The following NAGPA variants were observed in gnomAD, a reference collection of about 807,000 sequenced individuals.
The protein encoded by NAGPA is alpha-N-acetylglucosaminyl phosphodiesterase.
NAGPA carries 56 observed loss-of-function variants against 48.5 expected under a neutral mutation model. The observed-to-expected ratio is 1.15, with a 90% CI of 0.93 to 1.44. NAGPA has a LOEUF of 1.44. Ranked by LOEUF, NAGPA falls within the 40% of genes most tolerant of loss-of-function variation. NAGPA has a pLI of 0.00. For synonymous variants in NAGPA, 399 were observed against 315.5 expected (o/e 1.26, Z -2.81); for missense variants, 888 against 735.0 (o/e 1.21, Z -2.41).
Position 5,029,091 on chromosome 16 carries a change from A to G in NAGPA, c.792-83T>C. On this transcript the variant is annotated intron_variant, in intron 4 of 9. Transcript: ENST00000312251. ...TCCTTTTCCTTCCACAGTGCAGAGC[A>G]TCACGCCCACAGTGCAGGCACATTT... 8.8e-6 allele frequency: 14 copies of G among 1,596,096 alleles called. No individual in the cohort carries two copies. In the South Asian group the frequency reaches 1.4e-4, roughly 16 times the overall value.
In NAGPA at chr16:5,033,597, G is replaced by C. The variant is rs755122540; in HGVS notation, c.218C>G (p.Ala73Gly). 2 of 1,489,892 alleles carry C rather than the reference G, an allele frequency of 1.3e-6. No individual in the cohort carries two copies. Among genetic ancestry groups the C allele is most frequent in the East Asian group, 5.0e-5 (2 of 39,632 alleles). 92.3% of individuals were successfully genotyped at this position (1,489,892 alleles called of 1,614,324 possible). ...SWPPPPATPG[A>G]GGLAVRTFVS... ...GAAGGTGCGCACGGCCAGACCGCCG[G>C]CGCCGGGAGTCGCGGGAGGCGGAGG... Residue 73 changes from alanine (A) to glycine (G), a missense_variant, in exon 2 of 10, where the codon GCC (alanine) becomes GGC (glycine). Transcript: ENST00000312251. The surrounding 1 kb of genome is among the most constrained non-coding windows in gnomAD (Gnocchi z 4.2).
In NAGPA at chr16:5,025,568, A is replaced by G. The variant is rs759084951; in HGVS notation, c.1458T>C (p.Tyr486=). Residue 486 remains tyrosine (Y), a synonymous_variant, in exon 10 of 10, where the codon TAT becomes TAC. Coordinates refer to ENST00000312251, the MANE Select transcript of NAGPA (RefSeq NM_016256.4). ...TCATCTCCTGCAGCGGGTGGTATGC[A>G]TAGTCCCCATGCAGGCGCCGGTTCC... is the stretch of plus-strand genomic sequence containing the variant. ...AERNRRLHGD[Y]AYHPLQEMNG... is the part of the protein sequence containing the mutation. The G allele has an allele frequency of 1.9e-6, 3 of 1,613,768 alleles. No individual in the cohort carries two copies. Among genetic ancestry groups the G allele is most frequent in the Admixed American group, 1.7e-5 (1 of 60,034 alleles).
At chr16:5,026,499 A>G (rs1048545808) in intron 9 of NAGPA, among the ~76,000 whole-genome samples, 3 of 151,946 alleles carry the variant, frequency 2.0e-5, no homozygotes, top group African/African-American at 7.2e-5. Flanking sequence ...GCACCACTGC[A>G]CTCCAGCCTA....
chr16:5,033,548 C>T lies in NAGPA; in HGVS notation c.267G>A (p.Ala89=), dbSNP rs529083571. Residue 89 remains alanine (A), a synonymous_variant, in exon 2 of 10, where the codon GCG becomes GCA. Transcript: ENST00000312251. This position sits in a 1 kb window ranked among gnomAD's most constrained non-coding sequence, Gnocchi z 4.2. The part of the protein sequence containing the change: ...RTFVSHFRDR[A]VAGHLTRAVE... ...CGGCCCGCGTCAGGTGGCCGGCCAC[C>T]GCGCGGTCCCTGAAGTGCGACACGA... 1.0e-5 allele frequency: 15 copies of T among 1,505,522 alleles called. No individual in the cohort carries two copies. The East Asian group carries it at 3.6e-4, about 37-fold the overall frequency. 93.3% of individuals were successfully genotyped at this position (1,505,522 alleles called of 1,614,324 possible). A position where few individuals can be genotyped will look rare whatever the true frequency, so the allele number is the denominator to read the frequency against.
chr16:5,033,255 G>C lies in NAGPA; in HGVS notation c.542+18C>G, dbSNP rs1257342354. ...AGGCCCTCTGCCCTCGACAGCACGG[G>C]GCTCCCTGCCTCCTCACCCGGTGAC... is the stretch of plus-strand genomic sequence containing the variant. On this transcript the variant is annotated intron_variant, in intron 2 of 9. Coordinates refer to ENST00000312251, the MANE Select transcript of NAGPA (RefSeq NM_016256.4). This position sits in a 1 kb window ranked among gnomAD's most constrained non-coding sequence, Gnocchi z 4.2. The C allele has an allele frequency of 6.3e-7, 1 of 1,579,244 alleles. No individual in the cohort carries two copies. The highest frequency in any genetic ancestry group is 1.3e-5 in the African/African-American group (1 of 74,238).
Position 5,033,857 on chromosome 16 carries a change from A to G in NAGPA, c.58T>C (p.Trp20Arg), listed in dbSNP as rs1270701466. 1.7e-5 allele frequency: 26 copies of G among 1,549,496 alleles called. No homozygotes were observed. The highest frequency in any genetic ancestry group is 2.7e-5 in the African/African-American group (2 of 73,016). Residue 20 changes from tryptophan (W) to arginine (R), a missense_variant, in exon 1 of 10, where the codon TGG (tryptophan) becomes CGG (arginine). Coordinates refer to ENST00000312251, the MANE Select transcript of NAGPA (RefSeq NM_016256.4). This position sits in a 1 kb window ranked among gnomAD's most constrained non-coding sequence, Gnocchi z 4.2. ...GAGTCGAGGCCGCCGGACGCTTCCC[A>G]GAGGAAGCCGAATAGTGCAAGCCGG... Reference protein sequence around the residue: ...LLRLALFGFLWEASGGLDSGA... With the variant: ...LLRLALFGFLREASGGLDSGA...
chr16:5,028,745 G>T (rs1436151318), intron 5 of NAGPA, 135 bp downstream of exon 5: 11 of 1,395,402 alleles, frequency 7.9e-6, no homozygotes, highest in Non-Finnish European at 1.1e-5. Flanking sequence ...CATCCTGGGG[G>T]AGGGACTGCA....
In NAGPA at chr16:5,029,041, C is replaced by T. The variant is rs1287513939; in HGVS notation, c.792-33G>A. 9.9e-6 allele frequency: 16 copies of T among 1,609,468 alleles called. No individual in the cohort carries two copies. The Admixed American group carries it at 1.0e-4, about 10-fold the overall frequency. On this transcript the variant is annotated intron_variant, in intron 4 of 9. Transcript: ENST00000312251. ...ACAAAGCGGCGCTGCTCAGGCTCAG[C>T]GCCCACCATCATTTCTCATTTAACT...
chr16:5,028,969 C>A lies in NAGPA; in HGVS notation c.831G>T (p.Gln277His). Residue 277 changes from glutamine (Q) to histidine (H), a missense_variant, in exon 5 of 10, where the codon CAG becomes CAT. Physicochemically the swap from Gln to His is conservative, Grantham distance 24. Transcript: ENST00000312251. ...CCAGGTTGATGGCGTTGACCACGTC[C>A]TGTTTCAGCAGGAACTCCGCCATTT... is the stretch of plus-strand genomic sequence containing the variant. ...LWEMAEFLLK[Q>H]DVVNAINLDG... The A allele has an allele frequency of 1.9e-6, 3 of 1,613,962 alleles. No homozygotes were observed. The highest frequency in any genetic ancestry group is 2.5e-6 in the Non-Finnish European group (3 of 1,180,046).
At chr16:5,028,636 C>A (rs1397235034) in intron 5 of NAGPA, 2 of 613,346 alleles carry the variant, frequency 3.3e-6, no homozygotes, top group African/African-American at 3.7e-5. Flanking sequence ...CCACCCCCAC[C>A]CAGCTACCAC....
intron 7 of NAGPA, 86 bp downstream of exon 7, chr16:5,027,760 A>G: frequency 1.3e-6 from 2 of 1,527,814 alleles, no homozygotes; most frequent in Non-Finnish European, 1.8e-6. Context: ...CCCAGACCAG[A>G]AGGTGGAGAC....
chr16:5,030,805 G>T (rs951458913), intron 3 of NAGPA, among the ~76,000 whole-genome samples: 16 of 152,134 alleles, frequency 1.1e-4, no homozygotes, highest in African/African-American at 3.9e-4. Flanking sequence ...CTCAGCTCCT[G>T]GGTGTCCCCT....
At chr16:5,031,389 T>G (rs962526744) in intron 3 of NAGPA, 10 of 342,096 alleles carry the variant, frequency 2.9e-5, no homozygotes, top group Non-Finnish European at 4.6e-5. Flanking sequence ...GGTCTGAGGG[T>G]GTGGGGCTTT....
intron 4 of NAGPA, 136 bp from the exon 5 acceptor site, chr16:5,029,144 C>G (rs1309418879): frequency 7.0e-7 from 1 of 1,428,216 alleles, no homozygotes; most frequent in Admixed American, 1.8e-5. Context: ...CCAAGCATGT[C>G]TCATCCTAGC....
At chr16:5,032,853 C>T (rs1956126300) in intron 2 of NAGPA, 1 of 236,234 alleles carries the variant, frequency 4.2e-6, no homozygotes, top group Non-Finnish European at 8.3e-6. Flanking sequence ...GATTCATCTT[C>T]AAGTTCCCAC....
At chr16:5,030,827 A>T (rs958995553) in intron 3 of NAGPA, among the ~76,000 whole-genome samples, 13 of 151,994 alleles carry the variant, frequency 8.6e-5, no homozygotes, top group Admixed American at 3.3e-4. Flanking sequence ...ACCACCCTGC[A>T]GCCACTTTGC....
At chr16:5,026,277 T>C (rs12928143) in intron 9 of NAGPA, among the ~76,000 whole-genome samples, 147,681 of 151,430 alleles carry the variant, frequency 0.98, 72,126 homozygotes, top group East Asian at 1. Context: ...CTGGGCGTGG[T>C]GCTCATGCCT....
chr16:5,029,008 G>C lies in NAGPA; in HGVS notation c.792C>G (p.Gly264=). 1 of 1,613,194 alleles carries C rather than the reference G, an allele frequency of 6.2e-7. No homozygotes were observed. The change falls in exon 5 of 10, where the codon GGC becomes GGG. Residue 264 remains glycine, a splice_region_variant and synonymous_variant. Transcript: ENST00000312251. ...ACTCCGCCATTTCCCACAGGTTGAT[G>C]CTGCGGCACAAAGCGGCGCTGCTCA... is the stretch of plus-strand genomic sequence containing the variant. ...FHADGQTEQR[G]INLWEMAEFL... is the part of the protein sequence containing the mutation.
In NAGPA at chr16:5,033,459, C is replaced by G. The variant is rs779483474; in HGVS notation, c.356G>C (p.Arg119Pro). 18 of 1,583,908 alleles carry G rather than the reference C, an allele frequency of 1.1e-5. No individual in the cohort carries two copies. The highest frequency in any genetic ancestry group is 1.5e-5 in the Non-Finnish European group (18 of 1,173,214). Residue 119 changes from arginine (R) to proline (P), a missense_variant, in exon 2 of 10, where the codon CGA becomes CCA. By Grantham distance (103) the Arg-to-Pro change is moderately radical. Transcript: ENST00000312251. This position sits in a 1 kb window ranked among gnomAD's most constrained non-coding sequence, Gnocchi z 4.2. ...CGCCGTCTCCTCCACGGTGGCGCGTCGTCTCGCCGCGCAGCCGCCGGGTCC... is the reference window on the plus strand; with the variant it reads ...CGCCGTCTCCTCCACGGTGGCGCGTGGTCTCGCCGCGCAGCCGCCGGGTCC... ...PGGPGGCAAR[R>P]RATVEETARA...
Sources: allele counts gnomAD v4.1 joint callset (sites outside exome capture counted in the v4.1 genomes callset), GRCh38; gene constraint gnomAD v4.1.1; non-coding constraint Gnocchi (gnomAD v3.1); transcripts MANE v1.5; gene names NCBI Gene and HGNC (gene_info 2026-07-23, HGNC 2026-07-21).